GABRG1: variants seen among roughly 807,000 people sequenced by gnomAD.
GABRG1 encodes gamma-aminobutyric acid type A receptor subunit gamma1.
A neutral mutation model predicts 49.8 loss-of-function variants in GABRG1; 49 were observed. That is an observed-to-expected ratio of 0.98 (90% CI 0.78 to 1.25). GABRG1 has a LOEUF of 1.25. GABRG1 is among the 50% of genes most tolerant of loss of function. The pLI, the probability that GABRG1 is intolerant of heterozygous loss-of-function variation, is 0.00. For missense variants in GABRG1, 552 were observed against 552.3 expected, an observed-to-expected ratio of 1.00 and a Z score of 0.01; for synonymous variants, 232 against 185.1, an observed-to-expected ratio of 1.25 and a Z score of -2.06.
At chr4:46,079,149 T>G (rs1719469555) in intron 3 of GABRG1, among the ~76,000 whole-genome samples, 1 of 151,826 alleles carries the variant, frequency 6.6e-6, no homozygotes, top group African/African-American at 2.4e-5. Context: ...TGGGCATTCC[T>G]GTTACATATT....
At chr4:46,075,378 T>G (rs911183006) in intron 3 of GABRG1, among the ~76,000 whole-genome samples, 1 of 152,096 alleles carries the variant, frequency 6.6e-6, no homozygotes, top group Non-Finnish European at 1.5e-5. Flanking sequence ...TTTAAAAAAT[T>G]AGAGGCAAGA....
At position 46,095,685 on chromosome 4, in the gene GABRG1, G is replaced by A. The variant is rs1451850353; in HGVS notation, c.253+1516C>T. Among the ~76,000 whole-genome samples the A allele has an allele frequency of 3.3e-5, 5 of 151,802 alleles. No individual in the cohort carries two copies. In the East Asian group the frequency reaches 9.7e-4, roughly 29 times the overall value. On this transcript the variant is annotated intron_variant, in intron 2 of 8. Transcript: ENST00000295452. ...ACATAAATTGAGGATTTTCTATGTA[G>A]CCACTATGTCCTTCAAGTTTCAAAT...
chr4:46,105,768 AGATG>A (rs1401007133), intron 1 of GABRG1, among the ~76,000 whole-genome samples: 2 of 140,258 alleles, frequency 1.4e-5, no homozygotes, highest in African/African-American at 5.5e-5. Context: ...TTAGATAGAT[AGATG>A]GATGGATGGG....
chr4:46,120,196 T>C (rs539809664), intron 1 of GABRG1, among the ~76,000 whole-genome samples: 3 of 151,880 alleles, frequency 2.0e-5, no homozygotes, highest in Admixed American at 2.0e-4. Flanking sequence ...ATTACTCTCT[T>C]GAAGCTCATT....
intron 2 of GABRG1, among the ~76,000 whole-genome samples, chr4:46,085,375 G>T (rs1209587512): frequency 6.6e-6 from 1 of 151,526 alleles, no homozygotes; most frequent in African/African-American, 2.4e-5. Context: ...AGATACTGAA[G>T]TGTTTTATGA....
chr4:46,088,805 T>TTTTG (rs1553882202), intron 2 of GABRG1, among the ~76,000 whole-genome samples: 1 of 142,534 alleles, frequency 7.0e-6, no homozygotes, highest in African/African-American at 2.7e-5. Flanking sequence ...GTGTGTGTGT[T>TTTTG]TGTGTGTGTT....
Position 46,056,134 on chromosome 4 carries a change from A to AAT in GABRG1, c.916+2082_916+2083insAT, listed in dbSNP as rs1345960148. ...AAAAAAAAAAGAAAGGAAAAAAAAA[A>AAT]AAATAAATAAATAAATTAAAAAAAA... On this transcript the variant is annotated intron_variant, in intron 7 of 8. Transcript: ENST00000295452. Among the ~76,000 whole-genome samples the AAT allele has an allele frequency of 2.8e-3, 76 of 27,412 alleles. 6 individuals carry two copies. The highest frequency in any genetic ancestry group is 0.022 in the African/African-American group (63 of 2,804). The allele number at this position is 27,412 out of a possible 152,430, so 18.0% of individuals were successfully genotyped here.
intron 1 of GABRG1, among the ~76,000 whole-genome samples, chr4:46,103,877 A>C (rs1206119030): frequency 6.6e-6 from 1 of 151,228 alleles, no homozygotes; most frequent in Non-Finnish European, 1.5e-5. Context: ...CCTTATCAAA[A>C]CTGATATTTT....
intron 5 of GABRG1, among the ~76,000 whole-genome samples, chr4:46,062,889 G>C (rs971174904): frequency 3.3e-5 from 5 of 151,894 alleles, no homozygotes; most frequent in African/African-American, 1.2e-4. Flanking sequence ...CAAACAGAGA[G>C]CCAAATCATG....
chr4:46,102,261 C>T (rs1411207815), intron 1 of GABRG1, among the ~76,000 whole-genome samples: 1 of 151,590 alleles, frequency 6.6e-6, no homozygotes, highest in African/African-American at 2.4e-5. Flanking sequence ...AGGATGAGCC[C>T]TGAGTCTGCA....
chr4:46,091,007 G>A (rs139717011), intron 2 of GABRG1, among the ~76,000 whole-genome samples: 1 of 145,910 alleles, frequency 6.9e-6, no homozygotes. Flanking sequence ...GAATTTAATC[G>A]GACATTCTAC....
chr4:46,046,053 T>G (rs1306598660), intron 8 of GABRG1, among the ~76,000 whole-genome samples: 1 of 152,126 alleles, frequency 6.6e-6, no homozygotes, highest in Non-Finnish European at 1.5e-5. Flanking sequence ...TAGTTGATTC[T>G]GAGATTTTGG....
Position 46,062,577 on chromosome 4 carries a change from G to T in GABRG1, c.625+1864C>A, listed in dbSNP as rs1355578570. On this transcript the variant is annotated intron_variant, in intron 5 of 8. Coordinates refer to ENST00000295452, the MANE Select transcript of GABRG1 (RefSeq NM_173536.4). The stretch of plus-strand genomic sequence containing the variant: ...TTTAATGATCGCCATTTTAACTGGT[G>T]TGAGATGGTATCACATTCTGCTTTT... Among the ~76,000 whole-genome samples, 6 of 152,150 alleles carry T rather than the reference G, an allele frequency of 3.9e-5. No individual in the cohort carries two copies. The East Asian group carries it at 1.2e-3, about 29-fold the overall frequency.
At chr4:46,074,031 G>C (rs1172561478) in intron 3 of GABRG1, among the ~76,000 whole-genome samples, 2 of 152,090 alleles carry the variant, frequency 1.3e-5, no homozygotes, top group East Asian at 3.9e-4. Flanking sequence ...AGCATGATAA[G>C]AAGTTCTCTG....
intron 1 of GABRG1, among the ~76,000 whole-genome samples, chr4:46,108,707 A>C (rs927464455): frequency 1.3e-5 from 2 of 150,908 alleles, no homozygotes; most frequent in Admixed American, 6.6e-5. Flanking sequence ...TATTTGTTGT[A>C]TGAATGAAAA....
chr4:46,082,177 T>C (rs1256414148), intron 3 of GABRG1, among the ~76,000 whole-genome samples: 2 of 151,862 alleles, frequency 1.3e-5, no homozygotes, highest in East Asian at 3.9e-4. Context: ...GTTGCTCATA[T>C]TGGCATTGTT....
At chr4:46,080,372 G>A (rs1719518006) in intron 3 of GABRG1, among the ~76,000 whole-genome samples, 1 of 151,728 alleles carries the variant, frequency 6.6e-6, no homozygotes, top group South Asian at 2.1e-4. Context: ...GTATTGTTTA[G>A]TTAAAATAGT....
intron 2 of GABRG1, among the ~76,000 whole-genome samples, chr4:46,093,173 G>A (rs896784021): frequency 2.0e-5 from 3 of 150,996 alleles, no homozygotes; most frequent in Non-Finnish European, 4.4e-5. Flanking sequence ...CTACAGACCA[G>A]AAAGATTGTT....
rs1456301376 is a variant in GABRG1, at chr4:46,104,614, A to G, written c.105-7265T>C. ...ATTGCATTACATTCCTGTAATTATT[A>G]TAAAATAAAACACCTATTTATATGT... is the stretch of plus-strand genomic sequence containing the variant. On this transcript the variant is annotated intron_variant, in intron 1 of 8. Transcript: ENST00000295452. Among the ~76,000 whole-genome samples the G allele has an allele frequency of 2.6e-5, 4 of 151,690 alleles. No individual in the cohort carries two copies. In the Admixed American group the frequency reaches 2.6e-4, roughly 10 times the overall value.
Sources: gnomAD v4.1 joint callset for allele counts (sites outside exome capture counted in the v4.1 genomes callset) on GRCh38, gnomAD v4.1.1 for gene constraint, MANE v1.5 for transcripts, NCBI Gene and HGNC (gene_info 2026-07-23, HGNC 2026-07-21) for gene names.